PAM: variants seen among roughly 807,000 people sequenced by gnomAD.
PAM encodes the protein peptidyl-glycine alpha-amidating monooxygenase.
Under a neutral mutation model 122.1 loss-of-function variants are expected in PAM, and 72 were observed. That is an observed-to-expected ratio of 0.59 (90% confidence interval 0.49 to 0.72). PAM has a LOEUF of 0.72. Among genes scored for constraint, PAM ranks in the 30% least tolerant of loss-of-function variants. The pLI is 0.00. For synonymous variants in PAM, 389 were observed against 404.4 expected (o/e 0.96, Z 0.46); for missense variants, 1,106 against 1,183.7 (o/e 0.93, Z 0.96).
rs147370276 is a variant in PAM, at chr5:102,959,924, G to C, written c.955G>C (p.Glu319Gln). 29 of 1,612,360 alleles carry C rather than the reference G, an allele frequency of 1.8e-5. No individual in the cohort carries two copies. The highest frequency in any genetic ancestry group is 3.3e-4 in the Middle Eastern group (2 of 6,076). The stretch of plus-strand genomic sequence containing the variant: ...CAACTTATACATTATGTATTACATG[G>C]AAGCCAAGCATGCAGTTTCTTTCAT... ...MCNLYIMYYMEAKHAVSFMTC... is the reference protein window; with the variant it reads ...MCNLYIMYYMQAKHAVSFMTC... The change falls in exon 13 of 26, where the codon GAA (glutamate) becomes CAA (glutamine). Residue 319 changes from glutamate to glutamine, a missense_variant. Around this residue, in one of 3 missense-constraint regions of PAM, gnomAD observed 670 missense variants for 690.3 expected, o/e 0.97. Transcript: ENST00000438793.
At chr5:102,844,291 T>G (rs540759519) in intron 1 of PAM, among the ~76,000 whole-genome samples, 1 of 152,196 alleles carries the variant, frequency 6.6e-6, no homozygotes, top group Non-Finnish European at 1.5e-5. Flanking sequence ...ATTGTGCTAT[T>G]GTACTATGGT....
In PAM at chr5:102,961,280, G is replaced by A. The variant is rs6863350; in HGVS notation, c.1162+51G>A. ...GTCCTATAAAAGTATCAATTTCCAA[G>A]TAGGCAACCAAATTGTAAAGTTACT... On this transcript the variant is annotated intron_variant, in intron 14 of 25. Coordinates refer to ENST00000438793, the MANE Select transcript of PAM (RefSeq NM_001177306.2). 5.3e-4 allele frequency: 505 copies of A among 951,716 alleles called. 3 individuals carry two copies. In the African/African-American group the frequency reaches 7.8e-3, roughly 15 times the overall value. 59.0% of individuals were successfully genotyped at this position (951,716 alleles called of 1,614,324 possible).
chr5:102,835,384 G>C (rs1011270691), intron 1 of PAM, among the ~76,000 whole-genome samples: 1 of 152,126 alleles, frequency 6.6e-6, no homozygotes, highest in Admixed American at 6.5e-5. Context: ...CTCATTAAGA[G>C]TATATCTGAC....
chr5:103,017,699 T>C (rs1210002413), intron 22 of PAM, among the ~76,000 whole-genome samples: 1 of 152,202 alleles, frequency 6.6e-6, no homozygotes, highest in Non-Finnish European at 1.5e-5. Context: ...AATTCCAGCT[T>C]AGTTCCAGAA....
chr5:103,007,059 C>T (rs1364522039), intron 19 of PAM, 48 bp downstream of exon 19: 1 of 1,337,196 alleles, frequency 7.5e-7, no homozygotes, highest in African/African-American at 1.4e-5. Context: ...TAGCCAGTAT[C>T]ACTGGGAACT....
rs773817882 is a variant in PAM, at chr5:102,960,106, A to T, written c.1090+47A>T. 5 of 1,040,426 alleles carry T rather than the reference A, an allele frequency of 4.8e-6. No individual in the cohort carries two copies. In the African/African-American group the frequency reaches 6.5e-5, roughly 14 times the overall value. 64.4% of individuals were successfully genotyped at this position (1,040,426 alleles called of 1,614,324 possible). A position where few individuals can be genotyped will look rare whatever the true frequency, so the allele number is the denominator to read the frequency against. On this transcript the variant is annotated intron_variant, in intron 13 of 25. Transcript: ENST00000438793. ...AAAGTAATATATGATTTTGTATTTT[A>T]TATTTTTGTATGTATCTTGTTTGAT...
At chr5:103,016,695 T>A (rs995064396) in intron 21 of PAM, among the ~76,000 whole-genome samples, 3 of 152,198 alleles carry the variant, frequency 2.0e-5, no homozygotes, top group Non-Finnish European at 4.4e-5. Context: ...GCCCAGGAAG[T>A]ACTTGGAGGT....
chr5:102,900,257 G>GTC (rs1350760484), intron 3 of PAM, among the ~76,000 whole-genome samples: 1 of 126,504 alleles, frequency 7.9e-6, no homozygotes, highest in African/African-American at 3.1e-5. Context: ...GTGTGTGTGG[G>GTC]GGGGGGGCGG....
intron 18 of PAM, among the ~76,000 whole-genome samples, chr5:103,006,571 C>T (rs72785721): frequency 0.014 from 2,105 of 152,244 alleles, 24 homozygotes; most frequent in Middle Eastern, 0.027. Flanking sequence ...TAATTAACCG[C>T]GTGACCTTGA....
At chr5:103,027,328 T>G (rs1258140758) in intron 24 of PAM, among the ~76,000 whole-genome samples, 1 of 152,202 alleles carries the variant, frequency 6.6e-6, no homozygotes, top group Non-Finnish European at 1.5e-5. Flanking sequence ...TCTTTCCACA[T>G]CACTGTCTTC....
At chr5:102,920,034 G>T (rs776509026) in intron 5 of PAM, among the ~76,000 whole-genome samples, 6 of 152,072 alleles carry the variant, frequency 3.9e-5, no homozygotes, top group Non-Finnish European at 7.4e-5. Context: ...ATGCAGCGTT[G>T]TATTTAGCAC....
chr5:102,950,637 C>A, intron 11 of PAM, 80 bp from the exon 12 acceptor site: 1 of 839,810 alleles, frequency 1.2e-6, no homozygotes, highest in Non-Finnish European at 2.0e-6. Context: ...AAAGGAGGAA[C>A]ATACCTCAAC....
chr5:102,870,735 T>C (rs777009007), intron 3 of PAM, among the ~76,000 whole-genome samples: 2 of 152,118 alleles, frequency 1.3e-5, no homozygotes, highest in Non-Finnish European at 2.9e-5. Context: ...GAGAGAAGAG[T>C]AGGCAGGTTT....
intron 14 of PAM, among the ~76,000 whole-genome samples, chr5:102,973,109 G>A (rs546330805): frequency 2.6e-5 from 4 of 152,144 alleles, no homozygotes; most frequent in Non-Finnish European, 5.9e-5. Flanking sequence ...TAAAACGTAA[G>A]CAACAGGACT....
intron 15 of PAM, among the ~76,000 whole-genome samples, chr5:102,976,582 C>G (rs758137768): frequency 2.6e-5 from 4 of 152,034 alleles, no homozygotes; most frequent in African/African-American, 9.7e-5. Flanking sequence ...GCCTAATGGT[C>G]GGAGGAATTA....
intron 15 of PAM, among the ~76,000 whole-genome samples, chr5:102,980,152 A>G (rs1011656340): frequency 1.6e-4 from 25 of 152,246 alleles, no homozygotes; most frequent in African/African-American, 5.1e-4. Context: ...AAATAATTCT[A>G]TCATTTGCTA....
chr5:103,007,850 A>T (rs1779507303), intron 20 of PAM, among the ~76,000 whole-genome samples, 193 bp downstream of exon 20: 2 of 152,132 alleles, frequency 1.3e-5, no homozygotes, highest in South Asian at 4.1e-4. Flanking sequence ...AGAAACAATG[A>T]AGAACTCAAA....
At chr5:102,834,472 A>G (rs1218558156) in intron 1 of PAM, among the ~76,000 whole-genome samples, 1 of 152,192 alleles carries the variant, frequency 6.6e-6, no homozygotes, top group Non-Finnish European at 1.5e-5. Flanking sequence ...TTAAAGTGAT[A>G]AGAAAAACAA....
Position 103,025,299 on chromosome 5 carries a change from T to C in PAM, c.2654T>C (p.Ile885Thr), listed in dbSNP as rs1784637073. The C allele has an allele frequency of 6.2e-7, 1 of 1,613,668 alleles. No individual in the cohort carries two copies. Among genetic ancestry groups the C allele is most frequent in the Non-Finnish European group, 8.5e-7 (1 of 1,179,696 alleles). The change falls in exon 24 of 26, where the codon ATA (isoleucine) becomes ACA (threonine). Residue 885 changes from isoleucine (I) to threonine (T), a missense_variant. By Grantham distance (89) the Ile-to-Thr change is moderately conservative. Coordinates refer to ENST00000438793, the MANE Select transcript of PAM (RefSeq NM_001177306.2). ...GTGGTTGTCCTGCTGGCCATTGCCA[T>C]ATTTATTCGGTGGAAAAAATCAAGG... is the stretch of plus-strand genomic sequence containing the variant. ...IPVVVLLAIAIFIRWKKSRAF... is the reference protein window; with the variant it reads ...IPVVVLLAIATFIRWKKSRAF...
Sources: gnomAD v4.1 joint callset for allele counts (sites outside exome capture counted in the v4.1 genomes callset) on GRCh38, gnomAD v4.1.1 for gene constraint, gnomAD v4.1.1 regional missense constraint, MANE v1.5 for transcripts, NCBI Gene and HGNC (gene_info 2026-07-23, HGNC 2026-07-21) for gene names.